The following FBXL17 variants were observed in gnomAD, a reference collection of about 807,000 sequenced individuals.
The protein encoded by FBXL17 is F-box/LRR-repeat protein 17.
FBXL17 carries 22 observed loss-of-function variants against 66.2 expected under a neutral mutation model. The ratio of observed to expected loss-of-function variants is 0.33; its 90% CI spans 0.24 to 0.47. The LOEUF is 0.47. FBXL17 is among the 20% of genes least tolerant of loss of function. The pLI is 1.00. For synonymous variants in FBXL17, 474 were observed against 400.5 expected (o/e 1.18, Z -2.19); for missense variants, 878 against 948.2 (o/e 0.93, Z 0.97).
intron 4 of FBXL17, among the ~76,000 whole-genome samples, chr5:108,248,779 T>C (rs931454632): frequency 2.0e-5 from 3 of 152,076 alleles, no homozygotes; most frequent in African/African-American, 2.4e-5. Context: ...GTAAGCCAGA[T>C]GGAAGTAGGG....
At chr5:108,064,328 T>A (rs1319305189) in intron 6 of FBXL17, among the ~76,000 whole-genome samples, 1 of 152,228 alleles carries the variant, frequency 6.6e-6, no homozygotes, top group Non-Finnish European at 1.5e-5. Context: ...GCAGTCATTT[T>A]CCCACTTCTC....
intron 4 of FBXL17, among the ~76,000 whole-genome samples, chr5:108,307,721 T>C (rs1758916185): frequency 6.6e-6 from 1 of 152,130 alleles, no homozygotes; most frequent in Non-Finnish European, 1.5e-5. Context: ...AATGACAGGA[T>C]GTTCTTTTGT....
intron 4 of FBXL17, among the ~76,000 whole-genome samples, chr5:108,323,681 C>T (rs1050430551): frequency 2.0e-5 from 3 of 152,032 alleles, no homozygotes; most frequent in Non-Finnish European, 4.4e-5. Flanking sequence ...TCCCACACTT[C>T]CTGATTCCAA....
chr5:108,366,846 T>C (rs1285279123), intron 2 of FBXL17, among the ~76,000 whole-genome samples: 1 of 152,104 alleles, frequency 6.6e-6, no homozygotes, highest in Admixed American at 6.6e-5. Context: ...CCTCGTGAGC[T>C]TGCTTAACTT....
chr5:107,865,747 G>A (rs1309862117), intron 8 of FBXL17, among the ~76,000 whole-genome samples: 2 of 152,166 alleles, frequency 1.3e-5, no homozygotes, highest in African/African-American at 4.8e-5. Flanking sequence ...AAGTTATTCA[G>A]GGGAAATTCA....
chr5:108,215,316 A>G (rs187023008), intron 5 of FBXL17, among the ~76,000 whole-genome samples: 2 of 152,350 alleles, frequency 1.3e-5, no homozygotes, highest in African/African-American at 2.4e-5. Flanking sequence ...GCATAATTTT[A>G]TATCCCCACC....
intron 7 of FBXL17, among the ~76,000 whole-genome samples, chr5:108,018,243 C>T (rs1322831357): frequency 2.0e-5 from 3 of 152,106 alleles, no homozygotes; most frequent in East Asian, 1.9e-4. Context: ...TTCTAAGTAG[C>T]TTCAATAATC....
intron 7 of FBXL17, among the ~76,000 whole-genome samples, chr5:107,886,635 G>A (rs910119522): frequency 1.3e-5 from 2 of 152,090 alleles, no homozygotes; most frequent in Non-Finnish European, 1.5e-5. Context: ...AGAAGAAGCT[G>A]CCAGTGACCA....
intron 4 of FBXL17, among the ~76,000 whole-genome samples, chr5:108,238,711 G>T (rs968867872): frequency 5.3e-5 from 8 of 151,982 alleles, no homozygotes; most frequent in Admixed American, 2.6e-4. Context: ...TAGAGACAGG[G>T]TTTCACCACG....
chr5:107,999,280 CA>C (rs1753612706), intron 7 of FBXL17, among the ~76,000 whole-genome samples: 1 of 152,144 alleles, frequency 6.6e-6, no homozygotes, highest in Non-Finnish European at 1.5e-5. Flanking sequence ...AGGTCTTCGA[CA>C]AATACCTGTT....
intron 4 of FBXL17, among the ~76,000 whole-genome samples, chr5:108,295,257 T>TAAGA (rs1758297867): frequency 6.6e-6 from 1 of 151,828 alleles, no homozygotes; most frequent in Non-Finnish European, 1.5e-5. Context: ...AAGAACTTTC[T>TAAGA]CCCAAATTCA....
intron 5 of FBXL17, among the ~76,000 whole-genome samples, chr5:108,219,187 T>C (rs1754740556): frequency 6.6e-6 from 1 of 152,224 alleles, no homozygotes; most frequent in African/African-American, 2.4e-5. Flanking sequence ...GTTGAATTGG[T>C]ATTATTTCTT....
intron 6 of FBXL17, among the ~76,000 whole-genome samples, chr5:108,126,615 A>ATC (rs1554067308): frequency 2.0e-5 from 2 of 100,564 alleles, no homozygotes; most frequent in Admixed American, 2.2e-4. Flanking sequence ...ATATAAGATT[A>ATC]TCTCTCTGTC....
In FBXL17 at chr5:108,009,264, TATA is replaced by T. The variant is rs1561365195; in HGVS notation, c.1822+11658_1822+11660del. ...TGGTCGTGAGTTGTTCCCTGTTTTA[TATA>T]TATATATATATATATATATATATAT... On this transcript the variant is annotated intron_variant, in intron 7 of 8. Coordinates refer to ENST00000542267, the MANE Select transcript of FBXL17 (RefSeq NM_001163315.3). Among the ~76,000 whole-genome samples, 49 of 11,114 alleles carry T rather than the reference TATA, an allele frequency of 4.4e-3. 3 individuals carry two copies. The highest frequency in any genetic ancestry group is 0.016 in the African/African-American group (45 of 2,862). 7.3% of individuals were successfully genotyped at this position (11,114 alleles called of 152,430 possible).
At chr5:108,164,609 A>T (rs1752339660) in intron 6 of FBXL17, among the ~76,000 whole-genome samples, 1 of 152,086 alleles carries the variant, frequency 6.6e-6, no homozygotes, top group Admixed American at 6.6e-5. Context: ...TAATAATAAT[A>T]ATTATCATTA....
intron 1 of FBXL17, among the ~76,000 whole-genome samples, chr5:108,380,402 A>G: frequency 6.6e-6 from 1 of 152,178 alleles, no homozygotes; most frequent in Non-Finnish European, 1.5e-5. Flanking sequence ...TTTTTTCCAC[A>G]GAATACCTGC....
chr5:108,248,226 C>G (rs1756190986), intron 4 of FBXL17, among the ~76,000 whole-genome samples: 1 of 152,032 alleles, frequency 6.6e-6, no homozygotes, highest in South Asian at 2.1e-4. Context: ...TTGAAGCAAA[C>G]AAACAAACAC....
At chr5:107,980,662 A>ATTTTTTTTTTTTTTTTTTTT (rs1428679219) in intron 7 of FBXL17, among the ~76,000 whole-genome samples, 27 of 65,796 alleles carry the variant, frequency 4.1e-4, no homozygotes, top group African/African-American at 2.7e-3. Flanking sequence ...ATATATATAT[A>ATTTTTTTTTTTTTTTTTTTT]TATTTTTTTT....
Position 107,887,409 on chromosome 5 carries a change from G to A in FBXL17, c.1823-6230C>T, listed in dbSNP as rs148712616. 4.0e-3 allele frequency among the ~76,000 whole-genome samples: 603 copies of A among 152,262 alleles called. 2 individuals carry two copies. The highest frequency in any genetic ancestry group is 6.5e-3 in the Non-Finnish European group (443 of 68,022). On this transcript the variant is annotated intron_variant, in intron 7 of 8. Transcript: ENST00000542267. ...GCGCATTAACAAGCGACCTGCATGTGCCGTTTTGTCCTTTCCAGTTCTATC... is the reference window on the plus strand; with the variant it reads ...GCGCATTAACAAGCGACCTGCATGTACCGTTTTGTCCTTTCCAGTTCTATC...
Sources: allele counts gnomAD v4.1 joint callset (sites outside exome capture counted in the v4.1 genomes callset), GRCh38; gene constraint gnomAD v4.1.1; transcripts MANE v1.5; gene names NCBI Gene and HGNC (gene_info 2026-07-23, HGNC 2026-07-21).